KIAA0825: variants seen among roughly 807,000 people sequenced by gnomAD.
KIAA0825 encodes KIAA0825.
KIAA0825 carries 119 observed loss-of-function variants against 147.6 expected under a neutral mutation model. The observed-to-expected ratio is 0.81, with a 90% CI of 0.69 to 0.94. The LOEUF (loss-of-function observed/expected upper bound fraction) is 0.94, where lower values mean the gene tolerates loss of function less well. Ranked by LOEUF, KIAA0825 falls within the 40% of genes least tolerant of loss-of-function variation. The pLI is 0.00. For missense variants in KIAA0825, 1,381 were observed against 1,472.7 expected (o/e 0.94, Z 1.02); for synonymous variants, 470 against 518.1 (o/e 0.91, Z 1.26).
chr5:94,432,354 A>G (rs1295119828), intron 14 of KIAA0825, among the ~76,000 whole-genome samples: 3 of 152,160 alleles, frequency 2.0e-5, no homozygotes, highest in African/African-American at 7.2e-5. Context: ...TTTGCACTTA[A>G]AGACAAGAAG....
At chr5:94,228,449 C>T (rs1019463790) in intron 20 of KIAA0825, among the ~76,000 whole-genome samples, 42 of 152,042 alleles carry the variant, frequency 2.8e-4, no homozygotes, top group Admixed American at 5.9e-4. Flanking sequence ...GGGAAGACAC[C>T]TCAGTATTAC....
rs1342045336 is a variant in KIAA0825, at chr5:94,391,655, T to C, written c.3336A>G (p.Glu1112=). ...CAGTCAGTTCAAGAGCAACATCTCC[T>C]TCTTGTAAGGCCGTGCTTTTCTCTA... The part of the protein sequence containing the change: ...MTIEKSTALQ[E]GDVALELTEQ... Residue 1112 remains glutamate, a synonymous_variant, in exon 18 of 21, where the codon GAA becomes GAG. Transcript: ENST00000682413. 7 of 1,550,646 alleles carry C rather than the reference T, an allele frequency of 4.5e-6. No homozygotes were observed. The highest frequency in any genetic ancestry group is 2.0e-5 in the Admixed American group (1 of 50,840).
chr5:94,281,646 C>A (rs892526289), intron 20 of KIAA0825, among the ~76,000 whole-genome samples: 1 of 152,136 alleles, frequency 6.6e-6, no homozygotes, highest in Non-Finnish European at 1.5e-5. Context: ...GGATGTCTGG[C>A]AGCCTTCCTG....
chr5:94,427,264 T>A (rs1005283039), intron 14 of KIAA0825, among the ~76,000 whole-genome samples: 2 of 152,234 alleles, frequency 1.3e-5, no homozygotes, highest in Non-Finnish European at 2.9e-5. Context: ...CTAGGCATGG[T>A]GGCTCATGCC....
intron 1 of KIAA0825, among the ~76,000 whole-genome samples, chr5:94,588,282 C>T (rs1472130354): frequency 6.6e-6 from 1 of 152,102 alleles, no homozygotes; most frequent in African/African-American, 2.4e-5. Context: ...AAAATTTTTG[C>T]AATCTACTCA....
intron 20 of KIAA0825, among the ~76,000 whole-genome samples, chr5:94,296,215 A>T (rs1032104923): frequency 1.3e-5 from 2 of 151,958 alleles, no homozygotes; most frequent in Non-Finnish European, 1.5e-5. Context: ...TGAGGGGAAA[A>T]CTGCCTACTC....
At chr5:94,397,489 C>T (rs1351210472) in intron 16 of KIAA0825, among the ~76,000 whole-genome samples, 1 of 152,102 alleles carries the variant, frequency 6.6e-6, no homozygotes, top group Non-Finnish European at 1.5e-5. Flanking sequence ...AAAGACTGTT[C>T]CAATTAATTT....
chr5:94,182,452 G>C (rs1409686727), intron 20 of KIAA0825, among the ~76,000 whole-genome samples: 1 of 150,596 alleles, frequency 6.6e-6, no homozygotes, highest in South Asian at 2.1e-4. Flanking sequence ...TAGAGATGGG[G>C]TTTCACCATG....
intron 20 of KIAA0825, among the ~76,000 whole-genome samples, chr5:94,214,892 T>C (rs1773066746): frequency 6.6e-6 from 1 of 151,892 alleles, no homozygotes; most frequent in Non-Finnish European, 1.5e-5. Flanking sequence ...CAAAACAAAA[T>C]AAGAAAAAAT....
At chr5:94,518,745 T>C (rs1767638810) in intron 5 of KIAA0825, among the ~76,000 whole-genome samples, 2 of 152,106 alleles carry the variant, frequency 1.3e-5, no homozygotes, top group Non-Finnish European at 2.9e-5. Flanking sequence ...TCTATGCACC[T>C]ACACTTGTGG....
Position 94,396,341 on chromosome 5 carries a change from A to G in KIAA0825, c.3056T>C (p.Ile1019Thr), listed in dbSNP as rs761742445. Reference sequence around the variant, plus strand: ...CTCAAATATCCGACATATAATTACAATCAAGTTCCAGACAAGCAGGCCAGC... The same window carrying G: ...CTCAAATATCCGACATATAATTACAGTCAAGTTCCAGACAAGCAGGCCAGC... ...KKAGLLVWNL[I>T]VIICRIFEDG... The change falls in exon 17 of 21, where the codon ATT becomes ACT. Residue 1019 changes from isoleucine (I) to threonine (T), a missense_variant. Physicochemically the swap from Ile to Thr is moderately conservative, Grantham distance 89. Transcript: ENST00000682413. 6.4e-7 allele frequency: 1 copy of G among 1,550,910 alleles called. No individual in the cohort carries two copies. Among genetic ancestry groups the G allele is most frequent in the South Asian group, 1.2e-5 (1 of 83,830 alleles).
Position 94,360,119 on chromosome 5 carries a change from C to T in KIAA0825, c.3710+24249G>A, listed in dbSNP as rs1358844628. Among the ~76,000 whole-genome samples, 3 of 152,108 alleles carry T rather than the reference C, an allele frequency of 2.0e-5. No homozygotes were observed. The East Asian group carries it at 5.8e-4, about 29-fold the overall frequency. On this transcript the variant is annotated intron_variant, in intron 20 of 20. Transcript: ENST00000682413. ...AAAAATTCTTAGGACAGTTCAGGAACAAGGACATCACAACTCACGACATGT... is the reference window on the plus strand; with the variant it reads ...AAAAATTCTTAGGACAGTTCAGGAATAAGGACATCACAACTCACGACATGT...
intron 20 of KIAA0825, among the ~76,000 whole-genome samples, chr5:94,315,082 T>A (rs1236135630): frequency 6.6e-6 from 1 of 151,646 alleles, no homozygotes; most frequent in Non-Finnish European, 1.5e-5. Context: ...AACTGGAAAA[T>A]TCTCACTGGA....
intron 20 of KIAA0825, among the ~76,000 whole-genome samples, chr5:94,173,355 T>A (rs1768804965): frequency 6.6e-6 from 1 of 152,304 alleles, no homozygotes; most frequent in Admixed American, 6.5e-5. Context: ...CTCCAGGATG[T>A]CTGAAAGAGA....
chr5:94,334,528 G>A (rs1238197595), intron 20 of KIAA0825, among the ~76,000 whole-genome samples: 2 of 152,034 alleles, frequency 1.3e-5, no homozygotes, highest in African/African-American at 4.8e-5. Flanking sequence ...TGTTGCTCAG[G>A]CTGAATTGCA....
intron 16 of KIAA0825, among the ~76,000 whole-genome samples, chr5:94,401,692 T>G (rs1447539646): frequency 6.6e-6 from 1 of 152,074 alleles, no homozygotes; most frequent in Non-Finnish European, 1.5e-5. Flanking sequence ...TTTCTTTGTC[T>G]CTTCTCATAC....
At chr5:94,368,031 T>C (rs1746117597) in intron 20 of KIAA0825, among the ~76,000 whole-genome samples, 1 of 152,214 alleles carries the variant, frequency 6.6e-6, no homozygotes, top group Non-Finnish European at 1.5e-5. Context: ...AAGAATAGTT[T>C]TGTGAAAAAT....
rs529361722 is a variant in KIAA0825 at position 94,524,594 on chromosome 5, T to C, written c.132-496A>G. Among the ~76,000 whole-genome samples the C allele has an allele frequency of 2.6e-5, 4 of 151,814 alleles. No individual in the cohort carries two copies. In the Middle Eastern group the frequency reaches 0.014, roughly 516 times the overall value. On this transcript the variant is annotated intron_variant, in intron 3 of 20. Coordinates refer to ENST00000682413, the MANE Select transcript of KIAA0825 (RefSeq NM_001145678.3). Reference sequence around the variant, plus strand: ...AGTATACAAGCTATATACACAATGTTACTACAGCCAAATACCTTTTCCTGC... The same window carrying C: ...AGTATACAAGCTATATACACAATGTCACTACAGCCAAATACCTTTTCCTGC...
intron 12 of KIAA0825, among the ~76,000 whole-genome samples, chr5:94,454,977 C>T (rs533107868): frequency 1.4e-4 from 21 of 152,058 alleles, no homozygotes; most frequent in Non-Finnish European, 2.8e-4. Context: ...TTAAGGGAAA[C>T]GAAGAAGCTT....
Sources: allele counts gnomAD v4.1 joint callset (sites outside exome capture counted in the v4.1 genomes callset), GRCh38; gene constraint gnomAD v4.1.1; transcripts MANE v1.5; gene names NCBI Gene and HGNC (gene_info 2026-07-23, HGNC 2026-07-21).